Variants in SLC35E4 observed in about 807,000 individuals in gnomAD.
SLC35E4 encodes the protein solute carrier family 35 member E4, also known as solute carrier family 35, member E4.
In SLC35E4, 15 loss-of-function variants were observed where a neutral mutation model predicts 19.3. The observed-to-expected ratio is 0.78, with a 90% CI of 0.52 to 1.20. The LOEUF (loss-of-function observed/expected upper bound fraction) is 1.20, where lower values mean the gene tolerates loss of function less well. Among genes scored for constraint, SLC35E4 ranks in the 50% most tolerant of loss-of-function variants. The pLI is 0.00. For missense variants in SLC35E4, 406 were observed against 472.3 expected, an observed-to-expected ratio of 0.86 and a Z score of 1.30; for synonymous variants, 219 against 219.9, an observed-to-expected ratio of 1.00 and a Z score of 0.04.
In SLC35E4 at chr22:30,636,928, C is replaced by T. The variant is rs771151885; in HGVS notation, c.478C>T (p.His160Tyr). Residue 160 changes from histidine to tyrosine, a missense_variant, in exon 1 of 2, where the codon CAC (histidine) becomes TAC (tyrosine). Physicochemically the swap from His to Tyr is moderately conservative, Grantham distance 83. Coordinates refer to ENST00000343605, the MANE Select transcript of SLC35E4 (RefSeq NM_001001479.4). ...LSALLLGRRH[H>Y]PLQLAAMGPL... ...GGCGCTGCTGCTGGGCCGCCGCCAC[C>T]ACCCACTTCAGTTGGCCGCCATGGG... 2 of 1,612,056 alleles carry T rather than the reference C, an allele frequency of 1.2e-6. No individual in the cohort carries two copies. Among genetic ancestry groups the T allele is most frequent in the Admixed American group, 3.3e-5 (2 of 59,930 alleles).
At chr22:30,640,156 C>G (rs977670444) in intron 1 of SLC35E4, among the ~76,000 whole-genome samples, 2 of 152,192 alleles carry the variant, frequency 1.3e-5, no homozygotes, top group Admixed American at 6.6e-5. Flanking sequence ...GGGAGGATCA[C>G]GAGGTCAGGA....
intron 2 of SLC35E4, chr22:30,661,896 G>C (rs917199305): frequency 6.6e-6 from 1 of 152,136 alleles, no homozygotes. Context: ...CTGTTTAGAA[G>C]TGATTGGGGG....
At chr22:30,665,490 C>T (rs1437104205), downstream of SLC35E4, 1 of 470,610 alleles carries the variant, frequency 2.1e-6, no homozygotes, top group African/African-American at 2.0e-5. Flanking sequence ...ATGAACCCAT[C>T]AGATCCTGAT....
At chr22:30,644,543 C>T (rs2145580894) in intron 1 of SLC35E4, among the ~76,000 whole-genome samples, 1 of 152,266 alleles carries the variant, frequency 6.6e-6, no homozygotes, top group Admixed American at 6.5e-5. Context: ...GAGTTTGAGA[C>T]CAGCCTGGGT....
Position 30,657,911 on chromosome 22 carries a change from AT to A in SLC35E4, c.*9-4148del, listed in dbSNP as rs1273314412. On this transcript the variant is annotated intron_variant, in intron 2 of 2. Transcript: ENST00000406566. ...AGTGCAAGACTCTGTCTCAAAAATA[AT>A]AATAATAATAATAATAATAATAATA... 3.4e-5 allele frequency among the ~76,000 whole-genome samples: 3 copies of A among 87,116 alleles called. No individual in the cohort carries two copies. In the East Asian group the frequency reaches 1.6e-3, roughly 45 times the overall value. The allele number at this position is 87,116 out of a possible 152,430, so 57.2% of individuals were successfully genotyped here. A position where few individuals can be genotyped will look rare whatever the true frequency, so the allele number is the denominator to read the frequency against.
At chr22:30,641,165 T>C (rs1246503783) in intron 1 of SLC35E4, among the ~76,000 whole-genome samples, 2 of 152,184 alleles carry the variant, frequency 1.3e-5, no homozygotes, top group Non-Finnish European at 2.9e-5. Flanking sequence ...ATGCTGCCCC[T>C]GCTGAGAAAG....
At chr22:30,656,721 C>A (rs910510861) in intron 2 of SLC35E4, among the ~76,000 whole-genome samples, 1 of 152,154 alleles carries the variant, frequency 6.6e-6, no homozygotes, top group South Asian at 2.1e-4. Context: ...GGGAAAAGGA[C>A]GTGGACCCTC....
Position 30,647,206 on chromosome 22 carries a change from T to TG in SLC35E4, c.*177dup. ...TGAGGCCAGGAGTTCGAGACCAGCC[T>TG]GGCTAACATGGCAAAACCTCATCTC... On this transcript the variant is annotated 3_prime_UTR_variant, in exon 2 of 2. Coordinates refer to ENST00000343605, the MANE Select transcript of SLC35E4 (RefSeq NM_001001479.4). The TG allele has an allele frequency of 1.4e-6, 1 of 729,354 alleles. No individual in the cohort carries two copies. 45.2% of individuals were successfully genotyped at this position (729,354 alleles called of 1,614,324 possible).
chr22:30,637,063 C>T lies in SLC35E4; in HGVS notation c.613C>T (p.Gln205Ter). The T allele has an allele frequency of 1.3e-6, 2 of 1,563,022 alleles. No homozygotes were observed. The highest frequency in any genetic ancestry group is 2.4e-5 in the South Asian group (2 of 84,644). The change falls in exon 1 of 2, where the codon CAG becomes TAG. Residue 205 changes from glutamine to a stop codon, truncating the protein, a stop_gained. Transcript: ENST00000343605. LOFTEE classifies it high-confidence loss of function. Reference sequence around the variant, plus strand: ...CTGCCTCCGCGGACTCAAGTCGGTTCAGCAAAGTAAGTGCCTGGGTGGCCA... The same window carrying T: ...CTGCCTCCGCGGACTCAAGTCGGTTTAGCAAAGTAAGTGCCTGGGTGGCCA... ...ATCLRGLKSVQQSALLQEERL... is the reference protein window; with the variant it reads ...ATCLRGLKSV
Position 30,636,780 on chromosome 22 carries a change from C to T in SLC35E4, c.330C>T (p.Val110=), listed in dbSNP as rs1030700345. The T allele has an allele frequency of 2.5e-6, 4 of 1,612,396 alleles. No individual in the cohort carries two copies. In the African/African-American group the frequency reaches 5.3e-5, roughly 22 times the overall value. Residue 110 remains valine (V), a synonymous_variant, in exon 1 of 2, where the codon GTC becomes GTT. Transcript: ENST00000343605. ...TGCCAGGCGGCACTCGCTGCCGAGTCCTACTGCTCAGTCTCACCTTTGGCA... is the reference window on the plus strand; with the variant it reads ...TGCCAGGCGGCACTCGCTGCCGAGTTCTACTGCTCAGTCTCACCTTTGGCA... ...RPMPGGTRCR[V]LLLSLTFGTS...
downstream of SLC35E4, chr22:30,664,143 T>G: frequency 4.1e-6 from 3 of 732,052 alleles, no homozygotes; most frequent in Non-Finnish European, 6.8e-6. Context: ...AGGGGATCCC[T>G]GGGAAATGGA....
At chr22:30,663,377 G>GTTCAAGTAGAATGTTCAA (rs1362188246), downstream of SLC35E4, 3 of 1,476,246 alleles carry the variant, frequency 2.0e-6, no homozygotes, top group East Asian at 6.9e-5. Flanking sequence ...TTTGGATCTT[G>GTTCAAGTAGAATGTTCAA]GTGTAAGATC....
downstream of SLC35E4, among the ~76,000 whole-genome samples, chr22:30,650,720 TTCC>T (rs1336793670): frequency 1.3e-5 from 2 of 152,210 alleles, no homozygotes; most frequent in East Asian, 1.9e-4. Context: ...ATGCTTCCAC[TTCC>T]TCCTCAAGGC....
At chr22:30,639,557 T>C (rs2145576415) in intron 1 of SLC35E4, among the ~76,000 whole-genome samples, 1 of 152,252 alleles carries the variant, frequency 6.6e-6, no homozygotes, top group Middle Eastern at 3.4e-3. Context: ...TCCCTACAGC[T>C]TCGACCATAA....
At chr22:30,642,134 C>T (rs1227987859) in intron 1 of SLC35E4, among the ~76,000 whole-genome samples, 3 of 151,942 alleles carry the variant, frequency 2.0e-5, no homozygotes, top group African/African-American at 7.3e-5. Flanking sequence ...ACCTCAGCCT[C>T]CCGAGTAGCT....
At chr22:30,659,380 C>CT (rs2088414464) in intron 2 of SLC35E4, among the ~76,000 whole-genome samples, 1 of 151,994 alleles carries the variant, frequency 6.6e-6, no homozygotes, top group African/African-American at 2.4e-5. Context: ...CTTTTTTTCT[C>CT]TCTTTTTTTT....
At chr22:30,666,177 G>A (rs2088651420), downstream of SLC35E4, among the ~76,000 whole-genome samples, 1 of 152,158 alleles carries the variant, frequency 6.6e-6, no homozygotes, top group Admixed American at 6.5e-5. Flanking sequence ...CCATAGAGAA[G>A]TGAACTGATG....
chr22:30,663,976 C>T, downstream of SLC35E4: 4 of 1,613,976 alleles, frequency 2.5e-6, no homozygotes, highest in Non-Finnish European at 3.4e-6. Context: ...CGGAACTGAA[C>T]TGGGAAGGCA....
intron 1 of SLC35E4, among the ~76,000 whole-genome samples, chr22:30,641,927 G>GT (rs1478543613): frequency 6.6e-6 from 1 of 152,116 alleles, no homozygotes; most frequent in Non-Finnish European, 1.5e-5. Flanking sequence ...TCAGGAGGGA[G>GT]TTTAGGGGGC....
Sources: allele counts gnomAD v4.1 joint callset (sites outside exome capture counted in the v4.1 genomes callset), GRCh38; gene constraint gnomAD v4.1.1; transcripts MANE v1.5; gene names NCBI Gene and HGNC (gene_info 2026-07-23, HGNC 2026-07-21).